Variants in PEX16 observed in about 807,000 individuals in gnomAD.
PEX16 encodes the protein peroxin 16.
A neutral mutation model predicts 50.5 loss-of-function variants in PEX16; 37 were observed. The observed-to-expected ratio is 0.73, with a 90% CI of 0.56 to 0.96. The LOEUF (loss-of-function observed/expected upper bound fraction) is 0.96, where lower values mean the gene tolerates loss of function less well. PEX16 is among the 40% of genes least tolerant of loss of function. The probability of loss-of-function intolerance (pLI) is 0.00; values close to 1 mark genes in which losing one functional copy is unlikely to be tolerated. For missense variants in PEX16, 401 were observed against 438.3 expected (o/e 0.91, Z 0.76); for synonymous variants, 185 against 190.3 (o/e 0.97, Z 0.23).
At chr11:45,912,086 C>T (rs1053103958) in intron 9 of PEX16, 1 of 152,480 alleles carries the variant, frequency 6.6e-6, no homozygotes, top group Non-Finnish European at 1.5e-5. Flanking sequence ...CCTATAATCC[C>T]AGCACTTTAG....
At position 45,914,216 on chromosome 11, in the gene PEX16, G is replaced by T. The variant is rs915016098; in HGVS notation, c.695-13C>A. 6.2e-7 allele frequency: 1 copy of T among 1,613,306 alleles called. No homozygotes were observed. Among genetic ancestry groups the T allele is most frequent in the South Asian group, 1.1e-5 (1 of 91,044 alleles). On this transcript the variant is annotated splice_polypyrimidine_tract_variant and intron_variant, in intron 7 of 10. Coordinates refer to ENST00000378750, the MANE Select transcript of PEX16 (RefSeq NM_004813.4). ...CCCAGGCTGAGCACTGACGGCCAAGGCGTCAAGGATGTCTCCAGCACAGGG... is the reference window on the plus strand; with the variant it reads ...CCCAGGCTGAGCACTGACGGCCAAGTCGTCAAGGATGTCTCCAGCACAGGG...
At position 45,915,546 on chromosome 11, in the gene PEX16, G is replaced by T; in HGVS notation, c.382C>A (p.Leu128Met). The change falls in exon 5 of 11, where the codon CTG (leucine) becomes ATG (methionine). Residue 128 changes from leucine (L) to methionine (M), a missense_variant. Transcript: ENST00000378750. ...LAKAVLRMLLLLWFKAGLQTS... is the reference protein window; with the variant it reads ...LAKAVLRMLLMLWFKAGLQTS... ...TGGAGGCCAGCCTTGAACCAGAGCA[G>T]CAGGAGCATCCGCAGTACAGCCCTG... 1 of 1,614,156 alleles carries T rather than the reference G, an allele frequency of 6.2e-7. No individual in the cohort carries two copies. Among genetic ancestry groups the T allele is most frequent in the Non-Finnish European group, 8.5e-7 (1 of 1,180,030 alleles).
chr11:45,911,022 C>G, intron 9 of PEX16, 60 bp from the exon 10 acceptor site: 1 of 1,211,394 alleles, frequency 8.3e-7, no homozygotes, highest in Non-Finnish European at 1.2e-6. Flanking sequence ...CCCTGCAAAC[C>G]AGGAGGCCCA....
At position 45,910,253 on chromosome 11, in the gene PEX16, G is replaced by A. The variant is rs1037930188; in HGVS notation, c.*1C>T. Reference sequence around the variant, plus strand: ...CCCACACCCTCCTTCCGGGAGGTCTGTCAGCCCCAACTGTAGAAGTAGATT... The same window carrying A: ...CCCACACCCTCCTTCCGGGAGGTCTATCAGCCCCAACTGTAGAAGTAGATT... On this transcript the variant is annotated 3_prime_UTR_variant, in exon 11 of 11. Coordinates refer to ENST00000378750, the MANE Select transcript of PEX16 (RefSeq NM_004813.4). The A allele has an allele frequency of 2.5e-6, 4 of 1,613,618 alleles. No homozygotes were observed. The highest frequency in any genetic ancestry group is 3.4e-6 in the Non-Finnish European group (4 of 1,179,796).
In PEX16 at chr11:45,914,694, A is replaced by T; in HGVS notation, c.461-10T>A. ...GGGCTGTGGTCACCATCTAGCAGGGATAGACAGAAGGCCATACAGTCAGAG... is the reference window on the plus strand; with the variant it reads ...GGGCTGTGGTCACCATCTAGCAGGGTTAGACAGAAGGCCATACAGTCAGAG... On this transcript the variant is annotated splice_polypyrimidine_tract_variant and intron_variant, in intron 5 of 10. Transcript: ENST00000378750. The T allele has an allele frequency of 6.2e-7, 1 of 1,612,496 alleles. No homozygotes were observed. Among genetic ancestry groups the T allele is most frequent in the Non-Finnish European group, 8.5e-7 (1 of 1,178,598 alleles).
intron 6 of PEX16, 65 bp downstream of exon 6, chr11:45,914,539 A>G (rs1473481459): frequency 6.2e-6 from 10 of 1,611,810 alleles, no homozygotes; most frequent in Non-Finnish European, 7.6e-6. Flanking sequence ...TGCTGACCAA[A>G]GCCAGTCCCT....
rs111379584 is a variant in PEX16 at position 45,914,295 on chromosome 11, C to G, written c.694+21G>C. 999 of 1,613,658 alleles carry G rather than the reference C, an allele frequency of 6.2e-4. 3 individuals are homozygous for G. In the African/African-American group the frequency reaches 0.012, roughly 19 times the overall value. ...CCCCAGCCCACAGTGCCAGCCCTATCCTGCCCCGCGCTAAGGATACAGTGC... is the reference window on the plus strand; with the variant it reads ...CCCCAGCCCACAGTGCCAGCCCTATGCTGCCCCGCGCTAAGGATACAGTGC... On this transcript the variant is annotated intron_variant, in intron 7 of 10. Transcript: ENST00000378750.
At chr11:45,912,548 G>C (rs573735742) in intron 9 of PEX16, among the ~76,000 whole-genome samples, 1 of 152,224 alleles carries the variant, frequency 6.6e-6, no homozygotes, top group South Asian at 2.1e-4. Context: ...CTGTCACCCA[G>C]ACTGGAGTGC....
chr11:45,916,997 A>G, intron 2 of PEX16: 1 of 466,216 alleles, frequency 2.1e-6, no homozygotes, highest in Non-Finnish European at 4.3e-6. Context: ...AACCCAGTGC[A>G]TTCTTTCAGG....
chr11:45,915,988 C>T (rs1256369211), intron 3 of PEX16, 152 bp from the exon 4 acceptor site: 3 of 837,770 alleles, frequency 3.6e-6, no homozygotes, highest in Non-Finnish European at 6.1e-6. Context: ...CCAACTCCAC[C>T]ATTAACAGGC....
At chr11:45,913,108 C>T (rs1362508433) in intron 9 of PEX16, among the ~76,000 whole-genome samples, 1 of 152,082 alleles carries the variant, frequency 6.6e-6, no homozygotes, top group Non-Finnish European at 1.5e-5. Flanking sequence ...TAGGTGTGAG[C>T]CACTGCTGCC....
chr11:45,910,214 C>T lies in PEX16; in HGVS notation c.*40G>A. The T allele has an allele frequency of 6.2e-7, 1 of 1,612,920 alleles. No homozygotes were observed. The highest frequency in any genetic ancestry group is 8.5e-7 in the Non-Finnish European group (1 of 1,179,540). The stretch of plus-strand genomic sequence containing the variant: ...AGTTTTATTAGGGAAGAGGGGCTCC[C>T]TGCCCCACCCCTCCCCACACCCTCC... On this transcript the variant is annotated 3_prime_UTR_variant, in exon 11 of 11. Coordinates refer to ENST00000378750, the MANE Select transcript of PEX16 (RefSeq NM_004813.4).
chr11:45,911,373 C>A (rs950890286), intron 9 of PEX16, among the ~76,000 whole-genome samples: 1 of 152,266 alleles, frequency 6.6e-6, no homozygotes, highest in African/African-American at 2.4e-5. Context: ...GGAAACCTCA[C>A]AAGCCACCAA....
chr11:45,916,380 G>A (rs2086836168), intron 2 of PEX16, 77 bp from the exon 3 acceptor site: 2 of 1,147,814 alleles, frequency 1.7e-6, no homozygotes, highest in African/African-American at 3.0e-5. Context: ...GAGCTGCAGG[G>A]ATCACCTGTC....
At position 45,914,168 on chromosome 11, in the gene PEX16, T is replaced by G. The variant is rs2086807349; in HGVS notation, c.730A>C (p.Lys244Gln). 3 of 1,610,452 alleles carry G rather than the reference T, an allele frequency of 1.9e-6. No individual in the cohort carries two copies. The highest frequency in any genetic ancestry group is 1.7e-6 in the Non-Finnish European group (2 of 1,178,516). Residue 244 changes from lysine to glutamine, a missense_variant, in exon 8 of 11, where the codon AAA (lysine) becomes CAA (glutamine). By Grantham distance (53) the Lys-to-Gln change is moderately conservative (BLOSUM62 1). Transcript: ENST00000378750. ...ACAACACCAGCCAAGAGCCAGGGTTTCCACGACCTCTGACCCCACAGGCCC... is the reference window on the plus strand; with the variant it reads ...ACAACACCAGCCAAGAGCCAGGGTTGCCACGACCTCTGACCCCACAGGCCC... ...SLGLWGQRSW[K>Q]PWLLAGVVDV...
At chr11:45,915,593 T>C in intron 4 of PEX16, 25 bp from the exon 5 acceptor site, 2 of 1,613,590 alleles carry the variant, frequency 1.2e-6, no homozygotes, top group Non-Finnish European at 8.5e-7. Flanking sequence ...ATGTCAGGGT[T>C]GTGGGGAGGT....
rs943381202 is a variant in PEX16, at chr11:45,914,327, G to A, written c.683C>T (p.Pro228Leu). 7 of 1,613,068 alleles carry A rather than the reference G, an allele frequency of 4.3e-6. No individual in the cohort carries two copies. Among genetic ancestry groups the A allele is most frequent in the Non-Finnish European group, 5.9e-6 (7 of 1,180,022 alleles). ...CGCGCTAAGGATACAGTGCAGCAGC[G>A]GCCGGGCAATGTACAAAAACTCTGC... is the stretch of plus-strand genomic sequence containing the variant. ...TIAEFLYIAR[P>L]LLHLLSLGLW... Residue 228 changes from proline (P) to leucine (L), a missense_variant, in exon 7 of 11, where the codon CCG becomes CTG. Transcript: ENST00000378750.
upstream of PEX16, chr11:45,917,960 C>T (rs190755748): frequency 2.6e-5 from 18 of 703,624 alleles, no homozygotes; most frequent in African/African-American, 3.0e-4. Context: ...CTTGAAGAAC[C>T]GGTGAACCAC....
At position 45,917,511 on chromosome 11, in the gene PEX16, AAGG is replaced by A. The variant is rs778514233; in HGVS notation, c.113-21_113-19del. ...GAATCGACCTGGGGAGAGGGTACAG[AAGG>A]AGGTGTGAGTGAGCATCTGCCTCAC... On this transcript the variant is annotated intron_variant, in intron 1 of 10. Transcript: ENST00000378750. The A allele has an allele frequency of 5.0e-6, 8 of 1,613,868 alleles. No individual in the cohort carries two copies. The highest frequency in any genetic ancestry group is 2.2e-5 in the East Asian group (1 of 44,868).
Sources: gnomAD v4.1 joint callset for allele counts (sites outside exome capture counted in the v4.1 genomes callset) on GRCh38, gnomAD v4.1.1 for gene constraint, MANE v1.5 for transcripts, NCBI Gene and HGNC (gene_info 2026-07-23, HGNC 2026-07-21) for gene names.